The following ITGA6 variants were observed in gnomAD, a reference collection of about 807,000 sequenced individuals.
ITGA6 encodes integrin subunit alpha 6.
Under a neutral mutation model 133.6 loss-of-function variants are expected in ITGA6, and 63 were observed. The observed-to-expected ratio is 0.47, with a 90% confidence interval of 0.38 to 0.58. The LOEUF (loss-of-function observed/expected upper bound fraction) is 0.58, where lower values mean the gene tolerates loss of function less well. ITGA6 is among the 20% of genes least tolerant of loss of function. The probability of loss-of-function intolerance (pLI) is 0.00; values close to 1 mark genes in which losing one functional copy is unlikely to be tolerated. For missense variants in ITGA6, 1,068 were observed against 1,309.4 expected (o/e 0.82, Z 2.85); for synonymous variants, 434 against 482.0 (o/e 0.90, Z 1.30).
intron 1 of ITGA6, among the ~76,000 whole-genome samples, chr2:172,434,796 T>A (rs1003353453): frequency 6.6e-6 from 1 of 152,062 alleles, no homozygotes; most frequent in African/African-American, 2.4e-5. Flanking sequence ...CCATTTCAGA[T>A]ATAGTATAAG....
chr2:172,444,614 CA>C (rs1684679047), intron 1 of ITGA6, among the ~76,000 whole-genome samples: 1 of 111,476 alleles, frequency 9.0e-6, no homozygotes, highest in South Asian at 3.3e-4. Context: ...CAAAAAAAAC[CA>C]AAAACCCAAA....
At chr2:172,460,983 G>T (rs1434434714) in intron 1 of ITGA6, among the ~76,000 whole-genome samples, 1 of 152,220 alleles carries the variant, frequency 6.6e-6, no homozygotes, top group African/African-American at 2.4e-5. Flanking sequence ...GTGTCCCAGT[G>T]TTTAGAACTT....
chr2:172,448,464 G>A (rs1321174324), intron 1 of ITGA6, among the ~76,000 whole-genome samples: 1 of 150,646 alleles, frequency 6.6e-6, no homozygotes, highest in African/African-American at 2.5e-5. Context: ...TGTAAAATGG[G>A]TAATGGCAAT....
At chr2:172,440,722 T>C (rs1684504258) in intron 1 of ITGA6, among the ~76,000 whole-genome samples, 1 of 152,262 alleles carries the variant, frequency 6.6e-6, no homozygotes, top group African/African-American at 2.4e-5. Flanking sequence ...GTTGTATACC[T>C]GGCACCAACA....
intron 11 of ITGA6, among the ~76,000 whole-genome samples, chr2:172,482,865 C>T (rs1559145609): frequency 2.0e-5 from 3 of 151,900 alleles, no homozygotes; most frequent in Admixed American, 1.3e-4. Context: ...AATGTCACAT[C>T]GTGTGTGTGC....
At chr2:172,436,821 C>A (rs554948219) in intron 1 of ITGA6, among the ~76,000 whole-genome samples, 1 of 152,248 alleles carries the variant, frequency 6.6e-6, no homozygotes, top group African/African-American at 2.4e-5. Flanking sequence ...AAAATCCCTG[C>A]CTATGTTCTG....
chr2:172,480,927 G>A (rs911978720), intron 11 of ITGA6: 1 of 152,174 alleles, frequency 6.6e-6, no homozygotes, highest in African/African-American at 2.4e-5. Context: ...CCTCTGGCAT[G>A]TTTTAATAGC....
At position 172,491,228 on chromosome 2, in the gene ITGA6, G is replaced by A. The variant is rs1236646431; in HGVS notation, c.2786G>A (p.Ser929Asn). The change falls in exon 22 of 26, where the codon AGC becomes AAC. Residue 929 changes from serine to asparagine, a missense_variant. By Grantham distance (46) the Ser-to-Asn change is conservative. This residue lies in a region of ITGA6 where 609 missense variants were observed against 707.2 expected (regional missense o/e 0.86). Transcript: ENST00000684293. The surrounding 1 kb of genome is among the most constrained non-coding windows in gnomAD (Gnocchi z 4.4). ...TCTTCTTTTTCTCTCTAGAACTGTA[G>A]CGTGAACGTGAACTGTGTGAACATC... ...AERKYQTLNC[S>N]VNVNCVNIRC... The A allele has an allele frequency of 6.2e-7, 1 of 1,604,540 alleles. No individual in the cohort carries two copies. Among genetic ancestry groups the A allele is most frequent in the South Asian group, 1.1e-5 (1 of 90,882 alleles).
chr2:172,481,684 C>G (rs1686447633), intron 11 of ITGA6, among the ~76,000 whole-genome samples: 1 of 152,164 alleles, frequency 6.6e-6, no homozygotes, highest in African/African-American at 2.4e-5. Flanking sequence ...ATGGGACCTG[C>G]AGACCTTGCA....
intron 1 of ITGA6, among the ~76,000 whole-genome samples, chr2:172,457,373 T>C (rs1312860947): frequency 6.6e-6 from 1 of 151,552 alleles, no homozygotes; most frequent in Non-Finnish European, 1.5e-5. Context: ...AGCATCGTAA[T>C]TGCAAGTACT....
At chr2:172,495,952 T>C (rs552980553) in intron 23 of ITGA6, among the ~76,000 whole-genome samples, 1 of 152,364 alleles carries the variant, frequency 6.6e-6, no homozygotes, top group East Asian at 1.9e-4. Flanking sequence ...CACTCTCCAC[T>C]TCCAGATTTA....
At chr2:172,431,119 G>GTCTGT (rs1176435945) in intron 1 of ITGA6, among the ~76,000 whole-genome samples, 7 of 152,124 alleles carry the variant, frequency 4.6e-5, no homozygotes, top group South Asian at 2.1e-4. Flanking sequence ...CAGGCCCGCG[G>GTCTGT]TCTGTTCTGT....
chr2:172,429,772 G>A (rs1438757299), intron 1 of ITGA6, among the ~76,000 whole-genome samples: 14 of 152,184 alleles, frequency 9.2e-5, no homozygotes, highest in Non-Finnish European at 1.5e-5. Flanking sequence ...CCCGTATAAG[G>A]AGACTGTATG....
intron 11 of ITGA6, 88 bp from the exon 12 acceptor site, chr2:172,484,694 G>T: frequency 9.4e-7 from 1 of 1,069,434 alleles, no homozygotes. Flanking sequence ...TTTCTACAAG[G>T]AATTAAAATC....
intron 1 of ITGA6, among the ~76,000 whole-genome samples, chr2:172,442,931 C>T (rs1458595437): frequency 6.6e-6 from 1 of 152,006 alleles, no homozygotes; most frequent in African/African-American, 2.4e-5. Flanking sequence ...TTTTCAGTGA[C>T]CCTCGTGTCC....
intron 1 of ITGA6, among the ~76,000 whole-genome samples, chr2:172,436,854 A>C (rs2148996941): frequency 6.6e-6 from 1 of 152,350 alleles, no homozygotes; most frequent in Non-Finnish European, 1.5e-5. Flanking sequence ...AACCATAAAC[A>C]AAAAGGTGTA....
chr2:172,432,324 G>T (rs1392780068), intron 1 of ITGA6, among the ~76,000 whole-genome samples: 2 of 152,192 alleles, frequency 1.3e-5, no homozygotes, highest in African/African-American at 4.8e-5. Context: ...CTGATGTTTT[G>T]TGCTAAACTG....
rs1391334623 is a variant in ITGA6, at chr2:172,487,711, T to A, written c.2245-17T>A. On this transcript the variant is annotated splice_polypyrimidine_tract_variant and intron_variant, in intron 16 of 25. Coordinates refer to ENST00000684293, the MANE Select transcript of ITGA6 (RefSeq NM_000210.4). ...TGTATGCATGGCCTGTGTTAACAGC[T>A]ATTTATGTTTTTTTAGGTCACTTTT... is the stretch of plus-strand genomic sequence containing the variant. 6.2e-7 allele frequency: 1 copy of A among 1,603,692 alleles called. No individual in the cohort carries two copies. Among genetic ancestry groups the A allele is most frequent in the Non-Finnish European group, 8.5e-7 (1 of 1,171,026 alleles).
At chr2:172,464,751 A>C (rs1344249205) in intron 1 of ITGA6, among the ~76,000 whole-genome samples, 1 of 152,228 alleles carries the variant, frequency 6.6e-6, no homozygotes, top group Non-Finnish European at 1.5e-5. Context: ...TACAGTGCCT[A>C]GTACATAAGT....
Sources: allele counts gnomAD v4.1 joint callset (sites outside exome capture counted in the v4.1 genomes callset), GRCh38; gene constraint gnomAD v4.1.1; regional missense constraint gnomAD v4.1.1; non-coding constraint Gnocchi (gnomAD v3.1); transcripts MANE v1.5; gene names NCBI Gene and HGNC (gene_info 2026-07-23, HGNC 2026-07-21).